Variants in LGSN observed in about 807,000 individuals in gnomAD.
LGSN encodes the protein lengsin, lens protein with glutamine synthetase domain, also known as lengsin.
A neutral mutation model predicts 19.5 loss-of-function variants in LGSN; 21 were observed. The observed-to-expected ratio is 1.07, with a 90% CI of 0.76 to 1.55. LGSN has a LOEUF of 1.55. LGSN is among the 40% of genes most tolerant of loss of function. LGSN has a pLI of 0.00. For missense variants in LGSN, 673 were observed against 608.5 expected, an observed-to-expected ratio of 1.11 and a Z score of -1.12; for synonymous variants, 257 against 215.6, an observed-to-expected ratio of 1.19 and a Z score of -1.68.
At chr6:63,301,050 G>T (rs1768159746) in intron 1 of LGSN, among the ~76,000 whole-genome samples, 1 of 152,164 alleles carries the variant, frequency 6.6e-6, no homozygotes, top group African/African-American at 2.4e-5. Context: ...TAGCACTTTG[G>T]GAGGCCAAGC....
At chr6:63,440,351 C>T in the LGSN span, among the ~76,000 whole-genome samples, 2 of 152,168 alleles carry the variant, frequency 1.3e-5, no homozygotes, top group Admixed American at 6.5e-5. Flanking sequence ...TGTGTGGTGA[C>T]TTGGCATTCA....
chr6:63,481,221 G>A, the LGSN span, among the ~76,000 whole-genome samples: 1 of 152,182 alleles, frequency 6.6e-6, no homozygotes, highest in East Asian at 1.9e-4. Flanking sequence ...CTCAGAAGGG[G>A]CGGTGCTAGG....
the LGSN span, among the ~76,000 whole-genome samples, chr6:63,562,324 C>T: frequency 2.0e-5 from 3 of 151,786 alleles, no homozygotes; most frequent in East Asian, 1.9e-4. Context: ...CTCAGCCTCC[C>T]GAGTAGCTGG....
chr6:63,280,481 C>G lies in LGSN; in HGVS notation c.1070G>C (p.Cys357Ser). 1 of 1,614,148 alleles carries G rather than the reference C, an allele frequency of 6.2e-7. No individual in the cohort carries two copies. The highest frequency in any genetic ancestry group is 1.1e-5 in the South Asian group (1 of 91,090). ...GCAGCTAACAGAAGGCGCCATCAGG[C>G]AGCTGAGCGCAGCAGAGTGCTTCAA... ...GLLKHSAALS[C>S]LMAPSVSCRK... Residue 357 changes from cysteine (C) to serine (S), a missense_variant, in exon 4 of 4, where the codon TGC becomes TCC. Transcript: ENST00000370657.
chr6:63,375,625 G>A, the LGSN span, among the ~76,000 whole-genome samples: 1 of 152,202 alleles, frequency 6.6e-6, no homozygotes, highest in Middle Eastern at 3.4e-3. Context: ...AGAGATTAGA[G>A]AGTAATGCAT....
At chr6:63,297,507 G>A (rs1037869082) in intron 1 of LGSN, among the ~76,000 whole-genome samples, 1 of 152,096 alleles carries the variant, frequency 6.6e-6, no homozygotes. Context: ...ATACTAGGGT[G>A]ATCAGCATAT....
chr6:63,528,435 T>G, the LGSN span, among the ~76,000 whole-genome samples: 100 of 152,034 alleles, frequency 6.6e-4, no homozygotes, highest in Non-Finnish European at 8.8e-5. Context: ...GTCTTTTTTT[T>G]TTTTTAAGGC....
chr6:63,498,655 A>T, the LGSN span, among the ~76,000 whole-genome samples: 1 of 152,168 alleles, frequency 6.6e-6, no homozygotes, highest in Non-Finnish European at 1.5e-5. Flanking sequence ...ATGCTTGAAC[A>T]AGGACAGGAC....
chr6:63,442,887 A>G, the LGSN span, among the ~76,000 whole-genome samples: 6 of 152,222 alleles, frequency 3.9e-5, no homozygotes, highest in Non-Finnish European at 5.9e-5. Flanking sequence ...TCAGGAGCCC[A>G]GCTGGCTTCG....
At chr6:63,394,231 T>A in the LGSN span, among the ~76,000 whole-genome samples, 40 of 152,254 alleles carry the variant, frequency 2.6e-4, no homozygotes, top group South Asian at 1.0e-3. Context: ...GCCACTGCAC[T>A]CCAGCCTGGG....
At chr6:63,529,483 C>A in the LGSN span, among the ~76,000 whole-genome samples, 856 of 152,198 alleles carry the variant, frequency 5.6e-3, 4 homozygotes, top group Non-Finnish European at 9.0e-3. Context: ...TCCTTCACCC[C>A]TCCCTTGCCT....
At chr6:63,378,628 T>G in the LGSN span, among the ~76,000 whole-genome samples, 1 of 152,086 alleles carries the variant, frequency 6.6e-6, no homozygotes, top group African/African-American at 2.4e-5. Flanking sequence ...GAAAGGCACA[T>G]GCACAGAGAT....
the LGSN span, among the ~76,000 whole-genome samples, chr6:63,450,870 C>T: frequency 2.6e-5 from 4 of 151,884 alleles, no homozygotes; most frequent in Non-Finnish European, 5.9e-5. Context: ...GATAAGGTTT[C>T]GCCATGTTGC....
chr6:63,351,955 G>C, the LGSN span, among the ~76,000 whole-genome samples: 6 of 152,072 alleles, frequency 3.9e-5, no homozygotes, highest in Non-Finnish European at 7.4e-5. Context: ...ATTGCCTCAG[G>C]ATTTTCCAAT....
In LGSN at chr6:63,280,631, C is replaced by T. The variant is rs1562002649; in HGVS notation, c.920G>A (p.Gly307Glu). Residue 307 changes from glycine (G) to glutamate (E), a missense_variant, in exon 4 of 4, where the codon GGA (glycine) becomes GAA (glutamate). Physicochemically the swap from Gly to Glu is moderately conservative, Grantham distance 98. Transcript: ENST00000370657. ...AGACAAAATCCCTGAATCACAAAAT[C>T]CAGTCTCAATGAAGAAGCTGGCAAT... ...NYIASFFIET[G>E]FCDSGILSHS... 4.3e-6 allele frequency: 7 copies of T among 1,613,938 alleles called. No individual in the cohort carries two copies. The highest frequency in any genetic ancestry group is 5.1e-6 in the Non-Finnish European group (6 of 1,180,046).
At chr6:63,317,784 C>T (rs1396803885) in intron 1 of LGSN, among the ~76,000 whole-genome samples, 1 of 152,158 alleles carries the variant, frequency 6.6e-6, no homozygotes, top group Admixed American at 6.5e-5. Flanking sequence ...CAGGATGAGT[C>T]TCTGACTTCA....
At chr6:63,301,257 C>T (rs1002946548) in intron 1 of LGSN, among the ~76,000 whole-genome samples, 1 of 152,024 alleles carries the variant, frequency 6.6e-6, no homozygotes, top group Non-Finnish European at 1.5e-5. Flanking sequence ...CGCCACTGCA[C>T]TTCAGCCTGG....
the LGSN span, among the ~76,000 whole-genome samples, chr6:63,525,821 C>T: frequency 2.6e-3 from 392 of 152,332 alleles, no homozygotes; most frequent in Non-Finnish European, 4.0e-3. Flanking sequence ...TGTAAATTAT[C>T]TCTTAAAATA....
chr6:63,534,228 A>C, the LGSN span, among the ~76,000 whole-genome samples: 2 of 152,204 alleles, frequency 1.3e-5, no homozygotes, highest in Non-Finnish European at 2.9e-5. Context: ...TTTAAAAAAA[A>C]AGTTTTACTT....
Sources: allele counts gnomAD v4.1 joint callset (sites outside exome capture counted in the v4.1 genomes callset), GRCh38; gene constraint gnomAD v4.1.1; transcripts MANE v1.5; gene names NCBI Gene and HGNC (gene_info 2026-07-23, HGNC 2026-07-21).